SOCS5: variants seen among roughly 807,000 people sequenced by gnomAD.
The protein encoded by SOCS5 is suppressor of cytokine signaling 5.
SOCS5 carries 32 observed loss-of-function variants against 42.8 expected under a neutral mutation model. The observed-to-expected ratio is 0.75, with a 90% CI of 0.56 to 1.01. SOCS5 has a LOEUF of 1.01. Ranked by LOEUF, SOCS5 falls within the 50% of genes least tolerant of loss-of-function variation. The pLI, the probability that SOCS5 is intolerant of heterozygous loss-of-function variation, is 0.00. For missense variants in SOCS5, 627 were observed against 653.0 expected, an observed-to-expected ratio of 0.96 and a Z score of 0.43; for synonymous variants, 283 against 229.6, an observed-to-expected ratio of 1.23 and a Z score of -2.10.
intron 1 of SOCS5, among the ~76,000 whole-genome samples, chr2:46,711,496 A>G (rs1268126730): frequency 2.6e-5 from 4 of 152,104 alleles, no homozygotes. Context: ...AAGTTTTAGG[A>G]TTTGTATATT....
At chr2:46,744,553 G>A (rs1673456751) in intron 1 of SOCS5, among the ~76,000 whole-genome samples, 1 of 149,476 alleles carries the variant, frequency 6.7e-6, no homozygotes, top group African/African-American at 2.5e-5. Context: ...TTGAGATGGA[G>A]TTTTGCTCTT....
At chr2:46,715,386 G>A (rs1187801675) in intron 1 of SOCS5, among the ~76,000 whole-genome samples, 10 of 145,576 alleles carry the variant, frequency 6.9e-5, no homozygotes, top group African/African-American at 2.0e-4. Context: ...AAAAAAAAAA[G>A]AAAAGAAAAA....
intron 1 of SOCS5, among the ~76,000 whole-genome samples, chr2:46,700,405 A>G (rs951537566): frequency 6.6e-6 from 1 of 152,232 alleles, no homozygotes; most frequent in Non-Finnish European, 1.5e-5. Flanking sequence ...CAACCTCTCT[A>G]TCCATAGTGG....
intron 1 of SOCS5, among the ~76,000 whole-genome samples, chr2:46,709,742 T>C (rs768925662): frequency 2.6e-5 from 4 of 152,138 alleles, no homozygotes; most frequent in Non-Finnish European, 5.9e-5. Flanking sequence ...AAGCACTGAG[T>C]AGAAAATTGA....
chr2:46,756,415 G>A (rs891057265), intron 1 of SOCS5, among the ~76,000 whole-genome samples: 11 of 152,222 alleles, frequency 7.2e-5, no homozygotes, highest in Non-Finnish European at 1.0e-4. Flanking sequence ...GATGTTCTTC[G>A]TGTGTGTATG....
chr2:46,737,836 T>C (rs1266893932), intron 1 of SOCS5, among the ~76,000 whole-genome samples: 1 of 152,012 alleles, frequency 6.6e-6, no homozygotes, highest in African/African-American at 2.4e-5. Context: ...ACCTTGGCTC[T>C]GATACCTTTC....
chr2:46,751,707 C>T (rs972715659), intron 1 of SOCS5, among the ~76,000 whole-genome samples: 7 of 151,812 alleles, frequency 4.6e-5, no homozygotes, highest in Non-Finnish European at 8.8e-5. Context: ...AGATGATAAT[C>T]TTAGAGTATT....
intron 1 of SOCS5, among the ~76,000 whole-genome samples, chr2:46,735,170 G>T (rs976860412): frequency 6.6e-6 from 1 of 152,216 alleles, no homozygotes; most frequent in African/African-American, 2.4e-5. Context: ...TCCTATCAAA[G>T]TTCAGAGTTT....
intron 1 of SOCS5, among the ~76,000 whole-genome samples, chr2:46,721,827 A>G (rs1672890794): frequency 6.6e-6 from 1 of 152,138 alleles, no homozygotes; most frequent in Admixed American, 6.5e-5. Context: ...ATGGTTTTAC[A>G]GAGGGGTGCA....
intron 1 of SOCS5, among the ~76,000 whole-genome samples, chr2:46,744,925 C>T (rs796339508): frequency 2.0e-5 from 3 of 149,522 alleles, no homozygotes; most frequent in African/African-American, 7.4e-5. Flanking sequence ...CATACTAGAT[C>T]TAAGTATTGC....
chr2:46,699,800 G>T lies in SOCS5; in HGVS notation c.-13+351G>T, dbSNP rs1230953002. Among the ~76,000 whole-genome samples the T allele has an allele frequency of 2.0e-5, 3 of 152,112 alleles. No individual in the cohort carries two copies. The highest frequency in any genetic ancestry group is 4.4e-5 in the Non-Finnish European group (3 of 68,012). ...GGCCAGTAGGAGGGCATCCGTGATCGGGGTCGTGGTGGGTCGCGGGGAGGC... is the reference window on the plus strand; with the variant it reads ...GGCCAGTAGGAGGGCATCCGTGATCTGGGTCGTGGTGGGTCGCGGGGAGGC... On this transcript the variant is annotated intron_variant, in intron 1 of 1. Coordinates refer to ENST00000394861, the MANE Select transcript of SOCS5 (RefSeq NM_144949.3). The surrounding 1 kb of genome is among the most constrained non-coding windows in gnomAD (Gnocchi z 4.8).
intron 1 of SOCS5, among the ~76,000 whole-genome samples, chr2:46,726,363 T>C (rs934541265): frequency 2.6e-5 from 4 of 152,222 alleles, no homozygotes; most frequent in African/African-American, 7.2e-5. Context: ...CCCAAAGTGC[T>C]GGAATTACAA....
At position 46,744,176 on chromosome 2, in the gene SOCS5, G is replaced by A. The variant is rs1673447754; in HGVS notation, c.-12-14343G>A. 2.0e-5 allele frequency among the ~76,000 whole-genome samples: 3 copies of A among 152,082 alleles called. 1 individual carries two copies. Among genetic ancestry groups the A allele is most frequent in the African/African-American group, 7.2e-5 (3 of 41,480 alleles). ...GGCTAATTTTTGTATTTTCAGTAGA[G>A]ATGGGGTTTCACCGTGTTGGTCAGG... On this transcript the variant is annotated intron_variant, in intron 1 of 1. Coordinates refer to ENST00000394861, the MANE Select transcript of SOCS5 (RefSeq NM_144949.3).
intron 1 of SOCS5, among the ~76,000 whole-genome samples, chr2:46,732,360 T>C (rs1673145837): frequency 6.6e-6 from 1 of 151,674 alleles, no homozygotes; most frequent in Admixed American, 6.6e-5. Flanking sequence ...GCCGAATGAG[T>C]GTAGTAATGT....
At chr2:46,717,570 TC>T (rs1351437729) in intron 1 of SOCS5, among the ~76,000 whole-genome samples, 2 of 152,166 alleles carry the variant, frequency 1.3e-5, no homozygotes, top group African/African-American at 4.8e-5. Context: ...TTCGTAATCT[TC>T]CGGTTTATAT....
intron 1 of SOCS5, among the ~76,000 whole-genome samples, chr2:46,755,358 C>G (rs1673709783): frequency 6.6e-6 from 1 of 151,990 alleles, no homozygotes; most frequent in Admixed American, 6.6e-5. Context: ...GTAATAGATA[C>G]TAGTTGGCAT....
intron 1 of SOCS5, among the ~76,000 whole-genome samples, chr2:46,728,261 T>G (rs1321731732): frequency 6.6e-6 from 1 of 152,230 alleles, no homozygotes; most frequent in Non-Finnish European, 1.5e-5. Context: ...TCAGAATCTT[T>G]AAATAGCTGC....
At chr2:46,712,795 G>GT in intron 1 of SOCS5, among the ~76,000 whole-genome samples, 1 of 152,034 alleles carries the variant, frequency 6.6e-6, no homozygotes, top group Non-Finnish European at 1.5e-5. Flanking sequence ...ATGTATTGTC[G>GT]TTTTTTTGTT....
intron 1 of SOCS5, among the ~76,000 whole-genome samples, chr2:46,750,748 C>T (rs1165762846): frequency 6.6e-6 from 1 of 151,986 alleles, no homozygotes; most frequent in Non-Finnish European, 1.5e-5. Flanking sequence ...GTTGGTAGGC[C>T]CATGAATATA....
Sources: allele counts gnomAD v4.1 joint callset (sites outside exome capture counted in the v4.1 genomes callset), GRCh38; gene constraint gnomAD v4.1.1; non-coding constraint Gnocchi (gnomAD v3.1); transcripts MANE v1.5; gene names NCBI Gene and HGNC (gene_info 2026-07-23, HGNC 2026-07-21).